Variants in HERC6 observed in about 807,000 individuals in gnomAD.
HERC6 encodes the protein probable E3 ubiquitin-protein ligase HERC6.
A neutral mutation model predicts 114.5 loss-of-function variants in HERC6; 101 were observed. That is an observed-to-expected ratio of 0.88 (90% CI 0.75 to 1.04). The LOEUF is 1.04. Among genes scored for constraint, HERC6 ranks in the 50% least tolerant of loss-of-function variants. HERC6 has a pLI of 0.00. For synonymous variants in HERC6, 408 were observed against 436.2 expected, an observed-to-expected ratio of 0.94 and a Z score of 0.81; for missense variants, 1,133 against 1,230.9, an observed-to-expected ratio of 0.92 and a Z score of 1.19.
chr4:88,395,940 T>C lies in HERC6; in HGVS notation c.760-75T>C, dbSNP rs1371445277. ...CAGAGTGCTCCCGTATTAACTCTTG[T>C]ATGACACTTAATCAGTAAGCTTTTA... On this transcript the variant is annotated intron_variant, in intron 5 of 22. Coordinates refer to ENST00000264346, the MANE Select transcript of HERC6 (RefSeq NM_017912.4). 2.9e-6 allele frequency: 4 copies of C among 1,385,126 alleles called. 1 individual carries two copies. In the South Asian group the frequency reaches 4.4e-5, roughly 15 times the overall value. The allele number at this position is 1,385,126 out of a possible 1,614,324, so 85.8% of individuals were successfully genotyped here. A position where few individuals can be genotyped will look rare whatever the true frequency, so the allele number is the denominator to read the frequency against.
At chr4:88,403,646 C>T (rs997608280) in intron 8 of HERC6, among the ~76,000 whole-genome samples, 35 of 151,874 alleles carry the variant, frequency 2.3e-4, no homozygotes, top group Non-Finnish European at 4.7e-4. Flanking sequence ...CCCAGCTACT[C>T]GGGAGGCTGA....
Position 88,431,193 on chromosome 4 carries a change from C to T in HERC6, c.2138C>T (p.Ser713Phe). 6.2e-7 allele frequency: 1 copy of T among 1,612,272 alleles called. No individual in the cohort carries two copies. Among genetic ancestry groups the T allele is most frequent in the Non-Finnish European group, 8.5e-7 (1 of 1,179,256 alleles). Reference sequence around the variant, plus strand: ...TTTATTAATGAAATTTGTCCTGAGTCTGGAGGGGTTAGTTCAGAGTTCTTC... The same window carrying T: ...TTTATTAATGAAATTTGTCCTGAGTTTGGAGGGGTTAGTTCAGAGTTCTTC... ...VEFINEICPESGGVSSEFFHC... is the reference protein window; with the variant it reads ...VEFINEICPEFGGVSSEFFHC... Residue 713 changes from serine (S) to phenylalanine (F), a missense_variant, in exon 17 of 23, where the codon TCT becomes TTT. Ser to Phe is a radical substitution (Grantham distance 155). Transcript: ENST00000264346.
chr4:88,408,322 A>G (rs1735907823), intron 10 of HERC6, among the ~76,000 whole-genome samples: 1 of 152,228 alleles, frequency 6.6e-6, no homozygotes, highest in African/African-American at 2.4e-5. Context: ...CAGAGATAAT[A>G]AATTGTTATC....
chr4:88,387,099 A>G (rs1172047987), intron 3 of HERC6, among the ~76,000 whole-genome samples: 1 of 152,186 alleles, frequency 6.6e-6, no homozygotes, highest in Non-Finnish European at 1.5e-5. Context: ...TAATTACCTT[A>G]CAAACACATG....
chr4:88,378,971 C>CG lies in HERC6; in HGVS notation c.52dup (p.Ala18GlyfsTer7). On this transcript the variant is annotated frameshift_variant, in exon 1 of 23. Transcript: ENST00000264346. LOFTEE classifies it high-confidence loss of function. ...TCCAGGGAGCTGCAGCGCCGGAGGA[C>CG]GGCGGGCAGCCCCGGGGCTGAGCTA... 6.3e-7 allele frequency: 1 copy of CG among 1,588,694 alleles called. No individual in the cohort carries two copies. The highest frequency in any genetic ancestry group is 8.6e-7 in the Non-Finnish European group (1 of 1,168,920).
rs373229566 is a variant in HERC6 at position 88,390,798 on chromosome 4, G to T, written c.583G>T (p.Ala195Ser). Residue 195 changes from alanine to serine, a missense_variant, in exon 4 of 23, where the codon GCC becomes TCC. Coordinates refer to ENST00000264346, the MANE Select transcript of HERC6 (RefSeq NM_017912.4). ...QVAAGGAHSF[A>S]LSLCGTSFGW... ...GGCTGCCGGAGGGGCTCACAGCTTT[G>T]CCCTGTCTCTCTGTGGGACTTCGTT... is the stretch of plus-strand genomic sequence containing the variant. The T allele has an allele frequency of 1.2e-5, 19 of 1,614,076 alleles. No individual in the cohort carries two copies. The highest frequency in any genetic ancestry group is 1.5e-5 in the Non-Finnish European group (18 of 1,180,026).
chr4:88,438,149 GC>G (rs1738959320), intron 20 of HERC6, among the ~76,000 whole-genome samples: 1 of 131,188 alleles, frequency 7.6e-6, no homozygotes, highest in South Asian at 2.4e-4. Context: ...AAAAAAAAAA[GC>G]ATTTTAGCTT....
rs748351492 is a variant in HERC6, at chr4:88,424,609, C to G, written c.1842C>G (p.Thr614=). Residue 614 remains threonine, a synonymous_variant, in exon 15 of 23, where the codon ACC becomes ACG. Transcript: ENST00000264346. ...TTATTTTTTAGATACCTGCAGAAAC[C>G]CCCAGTCCTGTTATTTTCAGTGATT... ...FRDNHLIPAE[T]PSPVIFSDFP... The G allele has an allele frequency of 5.0e-6, 8 of 1,606,982 alleles. No homozygotes were observed. The highest frequency in any genetic ancestry group is 6.8e-6 in the Non-Finnish European group (8 of 1,175,514).
chr4:88,389,858 G>T (rs151082940), intron 3 of HERC6, among the ~76,000 whole-genome samples: 56 of 152,178 alleles, frequency 3.7e-4, no homozygotes, highest in African/African-American at 1.3e-3. Flanking sequence ...ATACCTCATG[G>T]TCTCACTTAG....
At chr4:88,439,496 T>C (rs947110390) in intron 20 of HERC6, among the ~76,000 whole-genome samples, 6 of 151,860 alleles carry the variant, frequency 4.0e-5, no homozygotes, top group African/African-American at 1.5e-4. Context: ...CAAGGTCAGA[T>C]AATTGAGGGA....
At chr4:88,411,020 A>G (rs1322153418) in intron 11 of HERC6, among the ~76,000 whole-genome samples, 1 of 152,178 alleles carries the variant, frequency 6.6e-6, no homozygotes, top group Non-Finnish European at 1.5e-5. Flanking sequence ...GGCATCTCAA[A>G]TGTCTTCAGT....
intron 1 of HERC6, among the ~76,000 whole-genome samples, chr4:88,380,896 T>A (rs910592845): frequency 6.6e-6 from 1 of 152,194 alleles, no homozygotes; most frequent in East Asian, 1.9e-4. Flanking sequence ...TTAATCTTTA[T>A]AAAAATCATG....
At chr4:88,408,503 T>C (rs1473878007) in intron 10 of HERC6, 21 bp from the exon 11 acceptor site, 7 of 1,469,328 alleles carry the variant, frequency 4.8e-6, no homozygotes, top group East Asian at 2.3e-5. Context: ...ATGTGGTTTC[T>C]TGCATTTCTT....
intron 19 of HERC6, among the ~76,000 whole-genome samples, chr4:88,437,361 G>T (rs985112544): frequency 1.3e-5 from 2 of 151,800 alleles, no homozygotes; most frequent in African/African-American, 4.8e-5. Flanking sequence ...CTGGCCCCTG[G>T]GATCCCTTTT....
At chr4:88,392,696 A>G (rs968104797) in intron 4 of HERC6, among the ~76,000 whole-genome samples, 9 of 152,168 alleles carry the variant, frequency 5.9e-5, no homozygotes, top group African/African-American at 2.2e-4. Flanking sequence ...CCAAAACCAC[A>G]ACCTTGCAGT....
intron 3 of HERC6, among the ~76,000 whole-genome samples, chr4:88,385,971 A>T (rs959281023): frequency 1.3e-5 from 2 of 152,010 alleles, no homozygotes; most frequent in Non-Finnish European, 2.9e-5. Flanking sequence ...CTTTTTAAAA[A>T]TTTTTACTTA....
rs745792051 is a variant in HERC6, at chr4:88,436,953, G to A, written c.2466G>A (p.Ala822=). The A allele has an allele frequency of 1.5e-5, 24 of 1,605,076 alleles. No individual in the cohort carries two copies. Among genetic ancestry groups the A allele is most frequent in the East Asian group, 6.7e-5 (3 of 44,530 alleles). Reference sequence around the variant, plus strand: ...ATGCTGCTGATGACATTGGAGATGCGCTCTGCATACGCTTTTCTGTGAGTA... The same window carrying A: ...ATGCTGCTGATGACATTGGAGATGCACTCTGCATACGCTTTTCTGTGAGTA... ...LDDAADDIGD[A]LCIRFSIHWD... Residue 822 remains alanine (A), a synonymous_variant, in exon 19 of 23, where the codon GCG becomes GCA. Transcript: ENST00000264346.
intron 17 of HERC6, among the ~76,000 whole-genome samples, chr4:88,432,555 ACT>A (rs1738337064): frequency 6.6e-6 from 1 of 151,944 alleles, no homozygotes. Context: ...CTGGCGAAAC[ACT>A]GTCTCTACTA....
chr4:88,390,155 A>G (rs796106022), intron 3 of HERC6, among the ~76,000 whole-genome samples: 5 of 134,820 alleles, frequency 3.7e-5, no homozygotes, highest in African/African-American at 1.4e-4. Context: ...TCCAGTCTGG[A>G]TGACAGAATG....
Sources: allele counts gnomAD v4.1 joint callset (sites outside exome capture counted in the v4.1 genomes callset), GRCh38; gene constraint gnomAD v4.1.1; transcripts MANE v1.5; gene names NCBI Gene and HGNC (gene_info 2026-07-23, HGNC 2026-07-21).